Variants in PATJ observed in about 807,000 individuals in gnomAD.
PATJ encodes the protein PATJ crumbs cell polarity complex component, also known as inaD-like protein.
PATJ carries 190 observed loss-of-function variants against 224.9 expected under a neutral mutation model. The ratio of observed to expected loss-of-function variants is 0.84; its 90% CI spans 0.75 to 0.95. The LOEUF (loss-of-function observed/expected upper bound fraction) is 0.95, where lower values mean the gene tolerates loss of function less well. Ranked by LOEUF, PATJ falls within the 40% of genes least tolerant of loss-of-function variation. The pLI, the probability that PATJ is intolerant of heterozygous loss-of-function variation, is 0.00. For synonymous variants in PATJ, 769 were observed against 820.3 expected (o/e 0.94, Z 1.07); for missense variants, 2,121 against 2,270.3 (o/e 0.93, Z 1.34).
intron 41 of PATJ, among the ~76,000 whole-genome samples, chr1:62,144,795 T>TATATATATATATATATATATATATATAA (rs1558231544): frequency 6.8e-6 from 1 of 146,300 alleles, no homozygotes; most frequent in Non-Finnish European, 1.5e-5. Flanking sequence ...TATATATATA[T>TATATATATATATATATATATATATATAA]AATTAGCAGA....
At chr1:61,955,427 C>T (rs1470820987) in intron 27 of PATJ, among the ~76,000 whole-genome samples, 1 of 152,146 alleles carries the variant, frequency 6.6e-6, no homozygotes, top group East Asian at 1.9e-4. Context: ...GTGAGAGTGG[C>T]TTGGAGTCCA....
intron 34 of PATJ, among the ~76,000 whole-genome samples, chr1:62,109,005 A>G (rs1558181248): frequency 6.6e-6 from 1 of 152,216 alleles, no homozygotes; most frequent in African/African-American, 2.4e-5. Context: ...AAAATGTAAA[A>G]TCTTCCCCCT....
intron 29 of PATJ, among the ~76,000 whole-genome samples, chr1:62,027,196 A>G (rs565516905): frequency 8.5e-5 from 13 of 152,318 alleles, no homozygotes; most frequent in South Asian, 2.1e-4. Context: ...TGCCGTAGGT[A>G]CCTCACATAA....
intron 43 of PATJ, among the ~76,000 whole-genome samples, chr1:62,159,318 A>G (rs1325387969): frequency 6.6e-6 from 1 of 152,056 alleles, no homozygotes; most frequent in African/African-American, 2.4e-5. Context: ...CAGCCTCCCA[A>G]GTAGCTGGGA....
intron 1 of PATJ, among the ~76,000 whole-genome samples, chr1:61,757,080 CTTTTTT>C (rs55788991): frequency 2.3e-5 from 3 of 129,194 alleles, no homozygotes; most frequent in Non-Finnish European, 1.6e-5. Context: ...GTCACTTTTA[CTTTTTT>C]TTTTTTTTTT....
intron 33 of PATJ, chr1:62,100,336 T>A (rs570820257): frequency 1.4e-6 from 1 of 717,798 alleles, no homozygotes; most frequent in East Asian, 2.7e-5. Context: ...GGCTGGGAAG[T>A]CCAAGAGCAT....
intron 27 of PATJ, among the ~76,000 whole-genome samples, chr1:61,949,261 C>G (rs576921470): frequency 6.6e-6 from 1 of 151,686 alleles, no homozygotes; most frequent in South Asian, 2.1e-4. Context: ...ACATTACATA[C>G]TGTATGGTTC....
Position 61,780,414 on chromosome 1 carries a change from A to G in PATJ, c.849+5080A>G, listed in dbSNP as rs1160085209. Among the ~76,000 whole-genome samples the G allele has an allele frequency of 2.6e-5, 4 of 152,140 alleles. No individual in the cohort carries two copies. In the South Asian group the frequency reaches 6.2e-4, roughly 24 times the overall value. On this transcript the variant is annotated intron_variant, in intron 7 of 43. Coordinates refer to ENST00000642238, the MANE Select transcript of PATJ (RefSeq NM_001350145.3). Reference sequence around the variant, plus strand: ...TGGGAGGCAGAGGTTGCAGTGAGCCAAGATCACGCCACAGCACTGCAGCCT... The same window carrying G: ...TGGGAGGCAGAGGTTGCAGTGAGCCGAGATCACGCCACAGCACTGCAGCCT...
chr1:61,856,191 A>C lies in PATJ; in HGVS notation c.2274A>C (p.Lys758Asn). The stretch of plus-strand genomic sequence containing the variant: ...TTGCTGAAGCTGTGGAAATATTGAA[A>C]GCTGTGCCACCAGGCCTAGTACACC... ...TSLAEAVEILKAVPPGLVHLG... is the reference protein window; with the variant it reads ...TSLAEAVEILNAVPPGLVHLG... The change falls in exon 18 of 44, where the codon AAA becomes AAC. Residue 758 changes from lysine (K) to asparagine (N), a missense_variant. By Grantham distance (94) the Lys-to-Asn change is moderately conservative (BLOSUM62 0). Coordinates refer to ENST00000642238, the MANE Select transcript of PATJ (RefSeq NM_001350145.3). 1 of 1,614,220 alleles carries C rather than the reference A, an allele frequency of 6.2e-7. No homozygotes were observed. The highest frequency in any genetic ancestry group is 2.2e-5 in the East Asian group (1 of 44,886).
intron 27 of PATJ, among the ~76,000 whole-genome samples, chr1:61,956,696 G>A (rs1159789089): frequency 6.6e-6 from 1 of 152,186 alleles, no homozygotes; most frequent in Non-Finnish European, 1.5e-5. Context: ...ATTGGTTGTG[G>A]CTGTTTATCT....
rs931354714 is a variant in PATJ, at chr1:61,884,160, G to A, written c.2960-77G>A. 3.8e-6 allele frequency: 4 copies of A among 1,063,232 alleles called. No homozygotes were observed. In the African/African-American group the frequency reaches 6.4e-5, roughly 17 times the overall value. 65.9% of individuals were successfully genotyped at this position (1,063,232 alleles called of 1,614,324 possible). ...GGAAGAGTCCCCTCCCATAGTAGGT[G>A]CCCATACCTAGTTGTTGAATGACTA... On this transcript the variant is annotated intron_variant, in intron 21 of 43. Coordinates refer to ENST00000642238, the MANE Select transcript of PATJ (RefSeq NM_001350145.3).
chr1:62,027,815 A>AT (rs1374975531), intron 29 of PATJ, among the ~76,000 whole-genome samples: 8 of 147,328 alleles, frequency 5.4e-5, no homozygotes, highest in Admixed American at 3.4e-4. Flanking sequence ...TCCCTTGCCC[A>AT]TTTTTTTAAT....
intron 33 of PATJ, among the ~76,000 whole-genome samples, chr1:62,100,781 C>T (rs548089987): frequency 6.6e-6 from 1 of 152,214 alleles, no homozygotes; most frequent in South Asian, 2.1e-4. Flanking sequence ...GAAGCAGCCT[C>T]TGTCCTGAAG....
At chr1:61,993,079 A>G (rs1205713808) in intron 28 of PATJ, among the ~76,000 whole-genome samples, 1 of 152,132 alleles carries the variant, frequency 6.6e-6, no homozygotes, top group Non-Finnish European at 1.5e-5. Flanking sequence ...GTCCCACAAT[A>G]CTGTCTCCCA....
intron 37 of PATJ, among the ~76,000 whole-genome samples, chr1:62,120,670 A>C (rs1456890045): frequency 6.6e-6 from 1 of 152,212 alleles, no homozygotes; most frequent in Non-Finnish European, 1.5e-5. Context: ...TCCCTAAAAC[A>C]AGTCTTTTTC....
chr1:61,892,765 ATCGCCCACCAG>A (rs67665491), intron 22 of PATJ, among the ~76,000 whole-genome samples: 115,635 of 151,820 alleles, frequency 0.76, 44,697 homozygotes, highest in Middle Eastern at 0.83. Flanking sequence ...TATTGTCAAT[ATCGCCCACCAG>A]GGTGGCACGT....
chr1:61,995,550 A>C (rs1645303056), intron 28 of PATJ, among the ~76,000 whole-genome samples: 1 of 152,176 alleles, frequency 6.6e-6, no homozygotes, highest in Non-Finnish European at 1.5e-5. Flanking sequence ...ATTTGCTAGC[A>C]GTTTTGTTGC....
chr1:62,004,335 A>G (rs193177765), intron 28 of PATJ, among the ~76,000 whole-genome samples: 334 of 152,290 alleles, frequency 2.2e-3, no homozygotes, highest in African/African-American at 7.8e-3. Context: ...CACTTATGCA[A>G]TGATTGTTAA....
intron 17 of PATJ, among the ~76,000 whole-genome samples, chr1:61,840,213 T>A (rs144810855): frequency 0.011 from 1,633 of 152,196 alleles, 35 homozygotes; most frequent in African/African-American, 0.038. Context: ...ATAAAAGTTG[T>A]AGGACGGGAT....
Sources: gnomAD v4.1 joint callset for allele counts (sites outside exome capture counted in the v4.1 genomes callset) on GRCh38, gnomAD v4.1.1 for gene constraint, MANE v1.5 for transcripts, NCBI Gene and HGNC (gene_info 2026-07-23, HGNC 2026-07-21) for gene names.